Variants in CADM2 observed in about 807,000 individuals in gnomAD.
The protein encoded by CADM2 is immunoglobulin superfamily member 4D.
CADM2 carries 12 observed loss-of-function variants against 49.8 expected under a neutral mutation model. That is an observed-to-expected ratio of 0.24 (90% CI 0.15 to 0.39). The LOEUF (loss-of-function observed/expected upper bound fraction) is 0.39, where lower values mean the gene tolerates loss of function less well. Ranked by LOEUF, CADM2 falls within the 10% of genes least tolerant of loss-of-function variation. The pLI is 1.00. For missense variants in CADM2, 378 were observed against 492.3 expected (o/e 0.77, Z 2.20); for synonymous variants, 214 against 175.4 (o/e 1.22, Z -1.74).
chr3:85,790,081 T>C (rs940143486), intron 2 of CADM2, among the ~76,000 whole-genome samples: 1 of 152,192 alleles, frequency 6.6e-6, no homozygotes, highest in African/African-American at 2.4e-5. Context: ...TTTAGTGATA[T>C]GGCCGAGTAA....
At chr3:85,231,660 CA>C (rs201298905) in intron 1 of CADM2, among the ~76,000 whole-genome samples, 2 of 147,078 alleles carry the variant, frequency 1.4e-5, no homozygotes, top group East Asian at 4.0e-4. Flanking sequence ...GTCTGGGGCT[CA>C]AAAAACAAAT....
At chr3:85,067,989 A>C (rs1490346355) in intron 1 of CADM2, among the ~76,000 whole-genome samples, 1 of 152,130 alleles carries the variant, frequency 6.6e-6, no homozygotes, top group Non-Finnish European at 1.5e-5. Flanking sequence ...TTTTTGGGGA[A>C]GTATGGACAG....
chr3:85,515,368 A>G (rs1576695284), intron 1 of CADM2, among the ~76,000 whole-genome samples: 1 of 150,436 alleles, frequency 6.6e-6, no homozygotes. Context: ...TAACATCATC[A>G]TTAGATTTTC....
chr3:85,076,892 A>G (rs2036966319), intron 1 of CADM2, among the ~76,000 whole-genome samples: 1 of 152,104 alleles, frequency 6.6e-6, no homozygotes, highest in Non-Finnish European at 1.5e-5. Context: ...GAATCGCTTG[A>G]ACCCAGGAGG....
chr3:85,128,038 T>C (rs1461236138), intron 1 of CADM2, among the ~76,000 whole-genome samples: 1 of 152,188 alleles, frequency 6.6e-6, no homozygotes, highest in Non-Finnish European at 1.5e-5. Context: ...TGGCTAATGA[T>C]TACGGTGGTA....
chr3:85,781,440 GT>G (rs1311405958), intron 2 of CADM2, among the ~76,000 whole-genome samples: 3 of 152,060 alleles, frequency 2.0e-5, no homozygotes, highest in Admixed American at 2.0e-4. Context: ...CATGGTGCAA[GT>G]TATGCACCAG....
At chr3:85,543,076 T>A (rs1460643339) in intron 1 of CADM2, among the ~76,000 whole-genome samples, 1 of 152,128 alleles carries the variant, frequency 6.6e-6, no homozygotes, top group African/African-American at 2.4e-5. Context: ...CACATTTTTC[T>A]CCATAAGCTG....
chr3:85,533,682 C>T (rs867842077), intron 1 of CADM2, among the ~76,000 whole-genome samples: 10 of 151,986 alleles, frequency 6.6e-5, no homozygotes, highest in East Asian at 1.9e-4. Flanking sequence ...AGAAACAGAG[C>T]GAATAGGGCA....
At chr3:85,554,183 T>C (rs975872741) in intron 1 of CADM2, among the ~76,000 whole-genome samples, 4 of 152,110 alleles carry the variant, frequency 2.6e-5, no homozygotes, top group African/African-American at 9.7e-5. Flanking sequence ...CCACCCCACA[T>C]CATCAGGCAT....
intron 1 of CADM2, among the ~76,000 whole-genome samples, chr3:85,713,105 G>T (rs1440589578): frequency 1.3e-5 from 2 of 152,034 alleles, no homozygotes; most frequent in East Asian, 3.9e-4. Flanking sequence ...GTTTTGGTTT[G>T]GTTTTCTGGA....
intron 3 of CADM2, among the ~76,000 whole-genome samples, chr3:85,843,669 A>T (rs1471274415): frequency 6.6e-6 from 1 of 152,124 alleles, no homozygotes; most frequent in African/African-American, 2.4e-5. Context: ...TAAAAATGTT[A>T]ATTAACTATA....
intron 1 of CADM2, among the ~76,000 whole-genome samples, chr3:85,613,775 G>T (rs11127903): frequency 0.21 from 31,318 of 151,402 alleles, 3,614 homozygotes; most frequent in South Asian, 0.28. Context: ...TTAATATAAT[G>T]CATTTTTATT....
intron 8 of CADM2, among the ~76,000 whole-genome samples, chr3:86,017,175 T>C (rs1478716091): frequency 1.8e-5 from 2 of 112,410 alleles, no homozygotes; most frequent in African/African-American, 6.3e-5. Context: ...TGTGTATATA[T>C]ATATATATAT....
At chr3:85,362,951 A>T (rs1310260460) in intron 1 of CADM2, among the ~76,000 whole-genome samples, 1 of 152,186 alleles carries the variant, frequency 6.6e-6, no homozygotes, top group Non-Finnish European at 1.5e-5. Flanking sequence ...GGGCATCTCT[A>T]TTGAGTTCAT....
chr3:85,165,546 T>G (rs1343663197), intron 1 of CADM2, among the ~76,000 whole-genome samples: 1 of 151,894 alleles, frequency 6.6e-6, no homozygotes, highest in Non-Finnish European at 1.5e-5. Context: ...AATATGTGTT[T>G]TTTCATAGTG....
intron 1 of CADM2, among the ~76,000 whole-genome samples, chr3:85,648,197 A>G (rs759186658): frequency 6.6e-6 from 1 of 151,920 alleles, no homozygotes; most frequent in Non-Finnish European, 1.5e-5. Context: ...TTTCATTGAT[A>G]TGACACACTT....
chr3:85,627,939 G>T (rs1419054998), intron 1 of CADM2, among the ~76,000 whole-genome samples: 1 of 151,962 alleles, frequency 6.6e-6, no homozygotes, highest in South Asian at 2.1e-4. Context: ...TGAATTCCTC[G>T]GATTTCCACA....
chr3:85,115,127 T>C (rs987982580), intron 1 of CADM2, among the ~76,000 whole-genome samples: 4 of 152,214 alleles, frequency 2.6e-5, no homozygotes, highest in African/African-American at 9.6e-5. Context: ...CTTATAAATT[T>C]CTACTCTTTC....
chr3:85,235,639 C>G (rs2042391531), intron 1 of CADM2, among the ~76,000 whole-genome samples: 1 of 152,018 alleles, frequency 6.6e-6, no homozygotes, highest in South Asian at 2.1e-4. Context: ...CTTTCTCAAA[C>G]TTTGTCTTAA....
Sources: gnomAD v4.1 joint callset for allele counts (sites outside exome capture counted in the v4.1 genomes callset) on GRCh38, gnomAD v4.1.1 for gene constraint, MANE v1.5 for transcripts, NCBI Gene and HGNC (gene_info 2026-07-23, HGNC 2026-07-21) for gene names.